The following SH3BP4 variants were observed in gnomAD, a reference collection of about 807,000 sequenced individuals.
SH3BP4 encodes the protein SH3 domain-binding protein 4.
SH3BP4 carries 33 observed loss-of-function variants against 65.5 expected under a neutral mutation model. The observed-to-expected ratio is 0.50, with a 90% CI of 0.38 to 0.67. The LOEUF (loss-of-function observed/expected upper bound fraction) is 0.67. SH3BP4 is among the 30% of genes least tolerant of loss of function. The pLI, the probability that SH3BP4 is intolerant of heterozygous loss-of-function variation, is 0.00. For missense variants in SH3BP4, 1,134 were observed against 1,261.4 expected (o/e 0.90, Z 1.53); for synonymous variants, 552 against 545.5 (o/e 1.01, Z -0.17).
chr2:235,040,337 G>A (rs764732964), intron 3 of SH3BP4, among the ~76,000 whole-genome samples: 1 of 152,084 alleles, frequency 6.6e-6, no homozygotes, highest in Non-Finnish European at 1.5e-5. Flanking sequence ...TGAGGAACAG[G>A]TTGAGTTTGG....
At position 235,026,435 on chromosome 2, in the gene SH3BP4, G is replaced by A. The variant is rs1159189112; in HGVS notation, c.-132-8436G>A. ...TGGCACCCACAGTTAAGCCTTGAAT[G>A]TGTGCAAGTTATAACCCGGTGTCTG... is the stretch of plus-strand genomic sequence containing the variant. On this transcript the variant is annotated intron_variant, in intron 2 of 5. Transcript: ENST00000392011. This position sits in a 1 kb window ranked among gnomAD's most constrained non-coding sequence, Gnocchi z 4.6. 6.6e-6 allele frequency among the ~76,000 whole-genome samples: 1 copy of A among 152,178 alleles called. No homozygotes were observed.
chr2:234,989,837 C>T (rs927834392), intron 1 of SH3BP4, among the ~76,000 whole-genome samples: 4 of 152,124 alleles, frequency 2.6e-5, no homozygotes, highest in Non-Finnish European at 4.4e-5. Context: ...GGATTTGGCC[C>T]GCGGGCTGTA....
intron 2 of SH3BP4, among the ~76,000 whole-genome samples, chr2:235,010,422 C>CAAGA (rs1694443296): frequency 6.6e-6 from 1 of 152,186 alleles, no homozygotes; most frequent in Non-Finnish European, 1.5e-5. Flanking sequence ...AAACCTTGGA[C>CAAGA]AAGAGGCTTG....
Position 234,960,230 on chromosome 2 carries a change from T to C in SH3BP4, c.-207+8060T>C, listed in dbSNP as rs572885455. Among the ~76,000 whole-genome samples, 4 of 152,372 alleles carry C rather than the reference T, an allele frequency of 2.6e-5. No homozygotes were observed. In the South Asian group the frequency reaches 8.3e-4, roughly 32 times the overall value. On this transcript the variant is annotated intron_variant, in intron 1 of 5. Transcript: ENST00000392011. Reference sequence around the variant, plus strand: ...CATTGCAAAGTGGTGAATACAGATATGGTTGTGGTTCTTCCTGCTGTGGTC... The same window carrying C: ...CATTGCAAAGTGGTGAATACAGATACGGTTGTGGTTCTTCCTGCTGTGGTC...
chr2:235,036,380 G>C (rs903781425), intron 3 of SH3BP4, among the ~76,000 whole-genome samples: 1 of 152,180 alleles, frequency 6.6e-6, no homozygotes, highest in African/African-American at 2.4e-5. Flanking sequence ...AGTCAAAGCT[G>C]GAACTTGTGA....
chr2:235,010,072 A>AT (rs1694428804), intron 2 of SH3BP4, among the ~76,000 whole-genome samples: 1 of 148,210 alleles, frequency 6.7e-6, no homozygotes, highest in African/African-American at 2.4e-5. Flanking sequence ...CATCCCCGGG[A>AT]TCCCCCAAAC....
In SH3BP4 at chr2:235,040,871, C is replaced by T; in HGVS notation, c.119-17C>T. The T allele has an allele frequency of 6.2e-7, 1 of 1,600,348 alleles. No homozygotes were observed. The highest frequency in any genetic ancestry group is 2.2e-5 in the East Asian group (1 of 44,510). Reference sequence around the variant, plus strand: ...CGGCCTTGCCCTCACCATCTGTTTTCTTTGTGTTTTGCACAGTGCCTTCTC... The same window carrying T: ...CGGCCTTGCCCTCACCATCTGTTTTTTTTGTGTTTTGCACAGTGCCTTCTC... On this transcript the variant is annotated splice_polypyrimidine_tract_variant and intron_variant, in intron 3 of 5. Coordinates refer to ENST00000392011, the MANE Select transcript of SH3BP4 (RefSeq NM_014521.3).
At chr2:234,971,603 C>T (rs1693001792) in intron 1 of SH3BP4, among the ~76,000 whole-genome samples, 1 of 152,090 alleles carries the variant, frequency 6.6e-6, no homozygotes, top group Admixed American at 6.6e-5. Context: ...TTGGCATTTC[C>T]GTCGACAGTG....
rs1016499417 is a variant in SH3BP4 at position 234,952,733 on chromosome 2, A to G, written c.-207+563A>G. The G allele has an allele frequency of 6.6e-6, 1 of 152,132 alleles. No homozygotes were observed. The highest frequency in any genetic ancestry group is 2.4e-5 in the African/African-American group (1 of 41,432). 9.4% of individuals were successfully genotyped at this position (152,132 alleles called of 1,614,324 possible). A position where few individuals can be genotyped will look rare whatever the true frequency, so the allele number is the denominator to read the frequency against. On this transcript the variant is annotated intron_variant, in intron 1 of 5. Coordinates refer to ENST00000392011, the MANE Select transcript of SH3BP4 (RefSeq NM_014521.3). This position sits in a 1 kb window ranked among gnomAD's most constrained non-coding sequence, Gnocchi z 6.5. ...TTCGGAGATCCCTCCTGTGAGGATG[A>G]AATTGAAAACTCCGGTTTCTGGCTT... is the stretch of plus-strand genomic sequence containing the variant.
chr2:235,008,492 G>T (rs907823826), intron 2 of SH3BP4: 4 of 152,222 alleles, frequency 2.6e-5, no homozygotes, highest in Non-Finnish European at 5.9e-5. Flanking sequence ...CCTTGTAGGT[G>T]GTTATTTTCT....
rs1319007556 is a variant in SH3BP4 at position 235,041,407 on chromosome 2, C to T, written c.638C>T (p.Thr213Ile). ...TESSSATTNS[T>I]GNIFDELPVT... ...TCCAGCTCAGCCACCACGAATAGCA[C>T]TGGCAACATCTTCGATGAGCTTCCA... The change falls in exon 4 of 6, where the codon ACT (threonine) becomes ATT (isoleucine). Residue 213 changes from threonine (T) to isoleucine (I), a missense_variant. By Grantham distance (89) the Thr-to-Ile change is moderately conservative. Coordinates refer to ENST00000392011, the MANE Select transcript of SH3BP4 (RefSeq NM_014521.3). The surrounding 1 kb of genome is among the most constrained non-coding windows in gnomAD (Gnocchi z 6.0). 6.2e-7 allele frequency: 1 copy of T among 1,614,216 alleles called. No homozygotes were observed. The highest frequency in any genetic ancestry group is 1.7e-5 in the Admixed American group (1 of 60,028).
At chr2:235,053,174 T>C (rs538893467) in intron 5 of SH3BP4, among the ~76,000 whole-genome samples, 1 of 152,244 alleles carries the variant, frequency 6.6e-6, no homozygotes, top group African/African-American at 2.4e-5. Flanking sequence ...GTCCTTTGTG[T>C]TCTCGCATGT....
chr2:234,955,615 G>T (rs978472522), intron 1 of SH3BP4, among the ~76,000 whole-genome samples: 1 of 152,098 alleles, frequency 6.6e-6, no homozygotes, highest in African/African-American at 2.4e-5. Context: ...TTTTAAGAAG[G>T]GTAAAATCCC....
rs531681029 is a variant in SH3BP4, at chr2:235,054,770, C to T, written c.*954C>T. ...AGAAAACTTCATGACCGAATCAGAG[C>T]CTTGGTGGCCACTGACTCTCGTGCT... On this transcript the variant is annotated 3_prime_UTR_variant, in exon 6 of 6. Coordinates refer to ENST00000392011, the MANE Select transcript of SH3BP4 (RefSeq NM_014521.3). 5 of 152,294 alleles carry T rather than the reference C, an allele frequency of 3.3e-5. No homozygotes were observed. 9.4% of individuals were successfully genotyped at this position (152,294 alleles called of 1,614,324 possible). A position where few individuals can be genotyped will look rare whatever the true frequency, so the allele number is the denominator to read the frequency against.
chr2:235,029,469 G>C (rs1695108693), intron 2 of SH3BP4, among the ~76,000 whole-genome samples: 1 of 152,208 alleles, frequency 6.6e-6, no homozygotes, highest in African/African-American at 2.4e-5. Flanking sequence ...CCTGTGCTTT[G>C]AGGGGGCTCA....
intron 1 of SH3BP4, among the ~76,000 whole-genome samples, chr2:234,994,161 T>G (rs6708426): frequency 0.013 from 2,008 of 152,192 alleles, 50 homozygotes; most frequent in African/African-American, 0.046. Context: ...TCCACACCCT[T>G]CTATTGATCT....
At chr2:235,022,416 G>A (rs891701355) in intron 2 of SH3BP4, among the ~76,000 whole-genome samples, 2 of 152,058 alleles carry the variant, frequency 1.3e-5, no homozygotes, top group African/African-American at 4.8e-5. Flanking sequence ...AGCCAGGTGT[G>A]GTGGCGCACA....
chr2:235,022,183 A>C (rs1694863819), intron 2 of SH3BP4, among the ~76,000 whole-genome samples: 2 of 152,224 alleles, frequency 1.3e-5, no homozygotes, highest in African/African-American at 4.8e-5. Flanking sequence ...AGATATTTGC[A>C]GCCGACCTGC....
intron 1 of SH3BP4, among the ~76,000 whole-genome samples, chr2:234,961,848 T>C: frequency 9.8e-6 from 1 of 101,964 alleles, no homozygotes; most frequent in South Asian, 3.7e-4. Context: ...TTTGCCCAGT[T>C]CCTGAAGTTC....
Sources: gnomAD v4.1 joint callset for allele counts (sites outside exome capture counted in the v4.1 genomes callset) on GRCh38, gnomAD v4.1.1 for gene constraint, Gnocchi (gnomAD v3.1) non-coding constraint, MANE v1.5 for transcripts, NCBI Gene and HGNC (gene_info 2026-07-23, HGNC 2026-07-21) for gene names.